Variants in TMEM236 observed in about 807,000 individuals in gnomAD.
TMEM236 encodes transmembrane protein 236.
Under a neutral mutation model 14.7 loss-of-function variants are expected in TMEM236, and 11 were observed. The ratio of observed to expected loss-of-function variants is 0.75; its 90% CI spans 0.47 to 1.24. The LOEUF is 1.24. Among genes scored for constraint, TMEM236 ranks in the 50% most tolerant of loss-of-function variants. The probability of loss-of-function intolerance (pLI) is 0.00; values close to 1 mark genes in which losing one functional copy is unlikely to be tolerated. For missense variants in TMEM236, 464 were observed against 427.3 expected (o/e 1.09, Z -0.76); for synonymous variants, 182 against 168.6 (o/e 1.08, Z -0.62).
chr10:17,787,915 A>T (rs942407610), intron 3 of TMEM236, among the ~76,000 whole-genome samples: 14 of 152,176 alleles, frequency 9.2e-5, no homozygotes, highest in Non-Finnish European at 1.9e-4. Context: ...ACTCCTGAGT[A>T]TTTGGAATAA....
intron 1 of TMEM236, among the ~76,000 whole-genome samples, chr10:17,753,960 T>A (rs1327173615): frequency 6.6e-6 from 1 of 152,224 alleles, no homozygotes; most frequent in African/African-American, 2.4e-5. Flanking sequence ...AATGGGAGGC[T>A]ACAATTACTG....
At chr10:17,793,747 TG>T (rs1837965355) in intron 3 of TMEM236, among the ~76,000 whole-genome samples, 1 of 152,212 alleles carries the variant, frequency 6.6e-6, no homozygotes, top group African/African-American at 2.4e-5. Context: ...CCTCCCAAAC[TG>T]CTGGGATTAC....
chr10:17,774,820 CTCTT>C (rs1336557255), intron 2 of TMEM236, among the ~76,000 whole-genome samples: 21 of 149,662 alleles, frequency 1.4e-4, no homozygotes, highest in African/African-American at 5.3e-4. Context: ...CTCTCTCTCT[CTCTT>C]TCTCTCACTC....
chr10:17,798,576 G>C lies in TMEM236; in HGVS notation c.*2072G>C. 1.9e-6 allele frequency: 1 copy of C among 534,236 alleles called. No homozygotes were observed. Among genetic ancestry groups the C allele is most frequent in the Non-Finnish European group, 3.8e-6 (1 of 259,860 alleles). 33.1% of individuals were successfully genotyped at this position (534,236 alleles called of 1,614,324 possible). On this transcript the variant is annotated 3_prime_UTR_variant, in exon 4 of 4. Transcript: ENST00000377495. ...AGAATTTGACGTTGTGTTATTCTACGCTCCACCAAATACCTCTCCCCTTGC... is the reference window on the plus strand; with the variant it reads ...AGAATTTGACGTTGTGTTATTCTACCCTCCACCAAATACCTCTCCCCTTGC...
intron 3 of TMEM236, among the ~76,000 whole-genome samples, chr10:17,785,217 G>C (rs1461831883): frequency 6.6e-6 from 1 of 152,134 alleles, no homozygotes; most frequent in African/African-American, 2.4e-5. Context: ...CAAATACAGG[G>C]ACTCTTAGCC....
chr10:17,760,059 T>G (rs1310922721), intron 1 of TMEM236, among the ~76,000 whole-genome samples: 2 of 144,394 alleles, frequency 1.4e-5, no homozygotes, highest in Non-Finnish European at 3.0e-5. Context: ...GCGCTGGCCC[T>G]GACAACTGAA....
intron 3 of TMEM236, among the ~76,000 whole-genome samples, chr10:17,795,532 A>G (rs1837997458): frequency 6.6e-6 from 1 of 152,238 alleles, no homozygotes; most frequent in South Asian, 2.1e-4. Flanking sequence ...GGAAAATACC[A>G]AGACACCAAG....
intron 3 of TMEM236, among the ~76,000 whole-genome samples, chr10:17,785,401 C>G (rs1837818090): frequency 6.6e-6 from 1 of 152,136 alleles, no homozygotes; most frequent in Non-Finnish European, 1.5e-5. Context: ...TAGGAGCTGT[C>G]ATAAATATCA....
At chr10:17,761,564 C>T (rs1837363024) in intron 1 of TMEM236, among the ~76,000 whole-genome samples, 1 of 151,910 alleles carries the variant, frequency 6.6e-6, no homozygotes, top group African/African-American at 2.4e-5. Flanking sequence ...TGTGGTGGCT[C>T]ATGCCTGTAG....
At chr10:17,794,875 A>C (rs1837985543) in intron 3 of TMEM236, among the ~76,000 whole-genome samples, 1 of 152,098 alleles carries the variant, frequency 6.6e-6, no homozygotes, top group African/African-American at 2.4e-5. Flanking sequence ...GTCTCTACTA[A>C]AAGTTAGCCA....
At chr10:17,788,359 A>G (rs1837870358) in intron 3 of TMEM236, among the ~76,000 whole-genome samples, 1 of 151,636 alleles carries the variant, frequency 6.6e-6, no homozygotes, top group Non-Finnish European at 1.5e-5. Flanking sequence ...ATATTTAAAA[A>G]TGGAATATTT....
chr10:17,758,488 A>C (rs1393787144), intron 1 of TMEM236, among the ~76,000 whole-genome samples: 1 of 152,194 alleles, frequency 6.6e-6, no homozygotes, highest in East Asian at 1.9e-4. Flanking sequence ...TATGTGAGTT[A>C]TTTGAATTCT....
At chr10:17,765,112 G>A (rs996452505) in intron 1 of TMEM236, among the ~76,000 whole-genome samples, 3 of 151,984 alleles carry the variant, frequency 2.0e-5, no homozygotes, top group Non-Finnish European at 4.4e-5. Context: ...GAGCCACCAC[G>A]CCCAGCCCCA....
intron 1 of TMEM236, among the ~76,000 whole-genome samples, chr10:17,755,467 C>T (rs1176607825): frequency 6.6e-6 from 1 of 152,174 alleles, no homozygotes; most frequent in African/African-American, 2.4e-5. Context: ...GCTACTTCTG[C>T]GAACCTTGCC....
intron 1 of TMEM236, among the ~76,000 whole-genome samples, chr10:17,769,394 G>A (rs1199077001): frequency 6.6e-6 from 1 of 152,198 alleles, no homozygotes; most frequent in African/African-American, 2.4e-5. Context: ...CAGTTGGGTA[G>A]ACAAGTCAGA....
rs1837567454 is a variant in TMEM236, at chr10:17,771,308, G to A, written c.258-1G>A. The A allele has an allele frequency of 1.5e-5, 24 of 1,613,702 alleles. No homozygotes were observed. Among genetic ancestry groups the A allele is most frequent in the Non-Finnish European group, 1.8e-5 (21 of 1,179,768 alleles). On this transcript the variant is annotated splice_acceptor_variant, in intron 1 of 3. Transcript: ENST00000377495. LOFTEE classifies it high-confidence loss of function. Reference sequence around the variant, plus strand: ...TTGGCTTATTTTTTCTCCTTTGCTAGGAGACCTGTTCTGATGATGTGTGTG... The same window carrying A: ...TTGGCTTATTTTTTCTCCTTTGCTAAGAGACCTGTTCTGATGATGTGTGTG...
In TMEM236 at chr10:17,795,788, T is replaced by A. The variant is rs887860535; in HGVS notation, c.473-133T>A. ...TGTATCCTGGAACTTAAAATAAAAT[T>A]AAATTAAATTAAGTGAAAAACAAAA... On this transcript the variant is annotated intron_variant, in intron 3 of 3. Transcript: ENST00000377495. The A allele has an allele frequency of 1.4e-4, 137 of 995,882 alleles. 2 individuals are homozygous for A. In the African/African-American group the frequency reaches 1.5e-3, roughly 11 times the overall value. 61.7% of individuals were successfully genotyped at this position (995,882 alleles called of 1,614,324 possible).
In TMEM236 at chr10:17,752,431, C is replaced by G; in HGVS notation, c.136C>G (p.His46Asp). Residue 46 changes from histidine (H) to aspartate (D), a missense_variant, in exon 1 of 4, where the codon CAC becomes GAC. By Grantham distance (81) the His-to-Asp change is moderately conservative (BLOSUM62 -1). Transcript: ENST00000377495. ...AACAAGGGCTAGATCTGACAACACA[C>G]ACTACTGGCTGATCATCTCCTGTTC... ...QGTRARSDNT[H>D]YWLIISCSIA... 1 of 1,613,984 alleles carries G rather than the reference C, an allele frequency of 6.2e-7. No homozygotes were observed. The highest frequency in any genetic ancestry group is 8.5e-7 in the Non-Finnish European group (1 of 1,179,854).
intron 3 of TMEM236, among the ~76,000 whole-genome samples, chr10:17,791,760 C>T (rs976851108): frequency 1.1e-4 from 16 of 152,324 alleles, no homozygotes; most frequent in African/African-American, 3.6e-4. Flanking sequence ...AGGTCTCAGA[C>T]GAGCCTCCTT....
Sources: gnomAD v4.1 joint callset for allele counts (sites outside exome capture counted in the v4.1 genomes callset) on GRCh38, gnomAD v4.1.1 for gene constraint, MANE v1.5 for transcripts, NCBI Gene and HGNC (gene_info 2026-07-23, HGNC 2026-07-21) for gene names.